The following ERC2 variants were observed in gnomAD, a reference collection of about 807,000 sequenced individuals.
ERC2 encodes ERC protein 2.
A neutral mutation model predicts 114.8 loss-of-function variants in ERC2; 42 were observed. That is an observed-to-expected ratio of 0.37 (90% CI 0.29 to 0.47). The LOEUF (loss-of-function observed/expected upper bound fraction) is 0.47, where lower values mean the gene tolerates loss of function less well. Ranked by LOEUF, ERC2 falls within the 20% of genes least tolerant of loss-of-function variation. The pLI, the probability that ERC2 is intolerant of heterozygous loss-of-function variation, is 0.99. For synonymous variants in ERC2, 454 were observed against 425.5 expected, an observed-to-expected ratio of 1.07 and a Z score of -0.82; for missense variants, 939 against 1,150.7, an observed-to-expected ratio of 0.82 and a Z score of 2.66.
chr3:55,922,450 T>C (rs2065482368), intron 13 of ERC2, among the ~76,000 whole-genome samples: 1 of 152,064 alleles, frequency 6.6e-6, no homozygotes, highest in Non-Finnish European at 1.5e-5. Flanking sequence ...TTGGTCTCTC[T>C]GTGTCTCCCC....
chr3:55,789,059 T>TCA (rs142389129), intron 14 of ERC2, among the ~76,000 whole-genome samples: 4,331 of 152,318 alleles, frequency 0.028, 138 homozygotes, highest in Non-Finnish European at 0.037. Context: ...TCTTTCTCTC[T>TCA]CAGCATGTTA....
chr3:56,081,423 T>A (rs180820841), intron 6 of ERC2, among the ~76,000 whole-genome samples: 1 of 152,024 alleles, frequency 6.6e-6, no homozygotes, highest in African/African-American at 2.4e-5. Flanking sequence ...AGGAACAAGA[T>A]TGACATGTAG....
chr3:55,668,072 T>A (rs2061422834), intron 17 of ERC2, among the ~76,000 whole-genome samples: 1 of 152,046 alleles, frequency 6.6e-6, no homozygotes, highest in Admixed American at 6.6e-5. Context: ...CATAATAAAT[T>A]ATATATCTCT....
At chr3:55,984,049 T>C (rs1009073009) in intron 12 of ERC2, among the ~76,000 whole-genome samples, 3 of 152,120 alleles carry the variant, frequency 2.0e-5, no homozygotes, top group Non-Finnish European at 4.4e-5. Context: ...TAACCAGAGA[T>C]GATTATTCAC....
intron 17 of ERC2, among the ~76,000 whole-genome samples, chr3:55,536,825 C>T (rs562021256): frequency 2.5e-4 from 38 of 152,292 alleles, no homozygotes; most frequent in Admixed American, 7.8e-4. Flanking sequence ...CCAGCCCCCT[C>T]GGCCCAGTGC....
At chr3:56,148,942 T>A in intron 5 of ERC2, 35 bp downstream of exon 5, 3 of 1,599,954 alleles carry the variant, frequency 1.9e-6, no homozygotes, top group Non-Finnish European at 2.6e-6. Context: ...TCTAGTCACA[T>A]TAAGAACATA....
At chr3:56,146,688 C>T (rs1044692287) in intron 5 of ERC2, among the ~76,000 whole-genome samples, 3 of 152,146 alleles carry the variant, frequency 2.0e-5, no homozygotes, top group Non-Finnish European at 4.4e-5. Context: ...AAGGTTGGTG[C>T]TGTCGCCCCT....
intron 8 of ERC2, among the ~76,000 whole-genome samples, chr3:56,014,541 AG>A (rs781110759): frequency 2.0e-5 from 3 of 152,180 alleles, no homozygotes; most frequent in Non-Finnish European, 4.4e-5. Context: ...CAGTAAAGAC[AG>A]TCCAAGGGGC....
intron 13 of ERC2, among the ~76,000 whole-genome samples, chr3:55,897,110 C>G (rs1284415203): frequency 6.6e-6 from 1 of 152,158 alleles, no homozygotes; most frequent in East Asian, 1.9e-4. Context: ...AATAAAAAAC[C>G]CGTTTAAGAC....
At chr3:55,871,548 G>A (rs1165893404) in intron 14 of ERC2, among the ~76,000 whole-genome samples, 1 of 152,210 alleles carries the variant, frequency 6.6e-6, no homozygotes, top group African/African-American at 2.4e-5. Context: ...CACTCTGAAA[G>A]TTGTTTCTTC....
chr3:56,080,755 T>C (rs1275374420), intron 7 of ERC2, 62 bp downstream of exon 7: 1 of 1,544,102 alleles, frequency 6.5e-7, no homozygotes, highest in African/African-American at 1.4e-5. Flanking sequence ...GTGCTCAAAA[T>C]TTTTCTAAAA....
intron 2 of ERC2, among the ~76,000 whole-genome samples, chr3:56,327,591 G>A (rs936242947): frequency 9.9e-5 from 15 of 152,090 alleles, no homozygotes; most frequent in East Asian, 7.7e-4. Context: ...CAGAAGAATC[G>A]CTTGAACCAG....
chr3:56,110,913 G>C (rs1449217436), intron 6 of ERC2, among the ~76,000 whole-genome samples: 1 of 152,074 alleles, frequency 6.6e-6, no homozygotes, highest in African/African-American at 2.4e-5. Context: ...ATACACATCT[G>C]CTCTTATTAG....
At chr3:55,613,446 T>A (rs570835581) in intron 17 of ERC2, among the ~76,000 whole-genome samples, 3 of 152,328 alleles carry the variant, frequency 2.0e-5, no homozygotes, top group South Asian at 2.1e-4. Context: ...ATAAAAGCTA[T>A]GGACCTTCAC....
At chr3:56,011,786 T>C (rs960086893) in intron 8 of ERC2, among the ~76,000 whole-genome samples, 1 of 152,166 alleles carries the variant, frequency 6.6e-6, no homozygotes, top group Non-Finnish European at 1.5e-5. Flanking sequence ...GATACTATCT[T>C]TTATATTCTT....
chr3:56,228,751 T>A (rs1228948493), intron 3 of ERC2, among the ~76,000 whole-genome samples: 1 of 152,216 alleles, frequency 6.6e-6, no homozygotes, highest in African/African-American at 2.4e-5. Flanking sequence ...TCAAACTGTA[T>A]GTTTAAGATG....
intron 1 of ERC2, among the ~76,000 whole-genome samples, chr3:56,441,731 G>A (rs982872776): frequency 6.6e-6 from 1 of 152,138 alleles, no homozygotes; most frequent in Non-Finnish European, 1.5e-5. Flanking sequence ...ATATTTAGTG[G>A]AGACAGAATT....
intron 17 of ERC2, among the ~76,000 whole-genome samples, chr3:55,515,743 G>T (rs2107159643): frequency 6.6e-6 from 1 of 152,084 alleles, no homozygotes; most frequent in East Asian, 1.9e-4. Flanking sequence ...GTAAGATTCC[G>T]CCCCAGGACA....
At chr3:56,434,283 A>C in intron 2 of ERC2, 68 bp downstream of exon 2, 1 of 1,463,700 alleles carries the variant, frequency 6.8e-7, no homozygotes, top group Middle Eastern at 1.8e-4. Flanking sequence ...TCGTGGTACC[A>C]TCTGCAAAGC....
Sources: allele counts gnomAD v4.1 joint callset (sites outside exome capture counted in the v4.1 genomes callset), GRCh38; gene constraint gnomAD v4.1.1; transcripts MANE v1.5; gene names NCBI Gene and HGNC (gene_info 2026-07-23, HGNC 2026-07-21).